ATP6V1G3: variants seen among roughly 807,000 people sequenced by gnomAD.
ATP6V1G3 encodes V-type proton ATPase subunit G 3.
In ATP6V1G3, 9 loss-of-function variants were observed where a neutral mutation model predicts 9.3. The observed-to-expected ratio is 0.97, with a 90% CI of 0.59 to 1.69. The LOEUF (loss-of-function observed/expected upper bound fraction) is 1.69, where lower values mean the gene tolerates loss of function less well. Among genes scored for constraint, ATP6V1G3 ranks in the 40% most tolerant of loss-of-function variants. ATP6V1G3 has a pLI of 0.00. For missense variants in ATP6V1G3, 133 were observed against 139.0 expected (o/e 0.96, Z 0.22); for synonymous variants, 43 against 43.8 (o/e 0.98, Z 0.07).
Position 198,523,360 on chromosome 1 carries a change from C to A in ATP6V1G3, c.*31G>T, listed in dbSNP as rs914765045. 1 of 1,554,090 alleles carries A rather than the reference C, an allele frequency of 6.4e-7. No homozygotes were observed. On this transcript the variant is annotated 3_prime_UTR_variant, in exon 3 of 3. Transcript: ENST00000367382. Reference sequence around the variant, plus strand: ...AAGCAACCAGGTGGCACTCACACACCTTTTTTTTTCTTGAAAACTGTGATG... The same window carrying A: ...AAGCAACCAGGTGGCACTCACACACATTTTTTTTTCTTGAAAACTGTGATG...
intron 1 of ATP6V1G3, 33 bp from the exon 2 acceptor site, chr1:198,529,214 ATAAT>A: frequency 2.4e-6 from 1 of 417,434 alleles, no homozygotes; most frequent in Non-Finnish European, 3.7e-6. Flanking sequence ...ATATATATAT[ATAAT>A]TATATATATC....
intron 2 of ATP6V1G3, among the ~76,000 whole-genome samples, chr1:198,524,227 C>T (rs1383093912): frequency 3.3e-5 from 5 of 151,274 alleles, no homozygotes; most frequent in Non-Finnish European, 5.9e-5. Flanking sequence ...CAGGTTCAAG[C>T]GATTCTCCCA....
At chr1:198,533,538 AT>A (rs1659991116) in intron 1 of ATP6V1G3, among the ~76,000 whole-genome samples, 1 of 152,154 alleles carries the variant, frequency 6.6e-6, no homozygotes, top group Non-Finnish European at 1.5e-5. Flanking sequence ...TGGCACCAAC[AT>A]TTTATTTTGG....
intron 1 of ATP6V1G3, among the ~76,000 whole-genome samples, chr1:198,530,158 C>T (rs1659840508): frequency 6.6e-6 from 1 of 152,100 alleles, no homozygotes; most frequent in Non-Finnish European, 1.5e-5. Flanking sequence ...CTTTCAATTT[C>T]AGTAAAATGC....
intron 1 of ATP6V1G3, among the ~76,000 whole-genome samples, chr1:198,538,891 CAAA>C (rs71569596): frequency 7.2e-5 from 7 of 97,358 alleles, no homozygotes; most frequent in Admixed American, 1.1e-4. Flanking sequence ...GACCCTGTCT[CAAA>C]AAAAAAAAAA....
chr1:198,531,998 C>A (rs906126594), intron 1 of ATP6V1G3, among the ~76,000 whole-genome samples: 1 of 151,902 alleles, frequency 6.6e-6, no homozygotes, highest in Admixed American at 6.6e-5. Flanking sequence ...AGGGGTAAAG[C>A]GTGAGTTTGA....
At chr1:198,526,559 C>T (rs900107792) in intron 2 of ATP6V1G3, among the ~76,000 whole-genome samples, 5 of 152,106 alleles carry the variant, frequency 3.3e-5, no homozygotes, top group African/African-American at 1.2e-4. Context: ...TTCAAAATGT[C>T]AGTGTTGAAA....
intron 1 of ATP6V1G3, among the ~76,000 whole-genome samples, chr1:198,536,451 A>G (rs1318941305): frequency 6.6e-6 from 1 of 152,206 alleles, no homozygotes; most frequent in African/African-American, 2.4e-5. Flanking sequence ...CTTGTCTTGG[A>G]CCAACACACC....
At chr1:198,540,797 A>C (rs1571723726), upstream of ATP6V1G3, 2 of 798,688 alleles carry the variant, frequency 2.5e-6, no homozygotes, top group East Asian at 2.6e-5. Flanking sequence ...ATTGGGCTGG[A>C]TAGCTGGGTC....
At position 198,523,249 on chromosome 1, in the gene ATP6V1G3, C is replaced by T. The variant is rs1259486474; in HGVS notation, c.*142G>A. On this transcript the variant is annotated 3_prime_UTR_variant, in exon 3 of 3. Transcript: ENST00000367382. ...GTATTTTGTTTTGTTTAATTCAGTG[C>T]CGATGTATGAGTTATGTCACATTTC... is the stretch of plus-strand genomic sequence containing the variant. The T allele has an allele frequency of 9.0e-6, 7 of 777,532 alleles. No individual in the cohort carries two copies. The highest frequency in any genetic ancestry group is 1.2e-5 in the Non-Finnish European group (6 of 487,152). 48.2% of individuals were successfully genotyped at this position (777,532 alleles called of 1,614,324 possible). A position where few individuals can be genotyped will look rare whatever the true frequency, so the allele number is the denominator to read the frequency against.
chr1:198,537,888 G>A (rs1005890055), intron 1 of ATP6V1G3, among the ~76,000 whole-genome samples: 6 of 152,132 alleles, frequency 3.9e-5, no homozygotes, highest in Non-Finnish European at 7.4e-5. Flanking sequence ...ATAACATACT[G>A]GTATATAAGG....
intron 1 of ATP6V1G3, among the ~76,000 whole-genome samples, chr1:198,533,777 C>T (rs982215486): frequency 2.0e-5 from 3 of 151,932 alleles, no homozygotes; most frequent in Non-Finnish European, 4.4e-5. Context: ...AATTGGGGTC[C>T]GACTTTAAGG....
At chr1:198,523,708 C>T (rs755139270) in intron 2 of ATP6V1G3, 144 bp from the exon 3 acceptor site, 12 of 686,626 alleles carry the variant, frequency 1.7e-5, no homozygotes, top group Non-Finnish European at 2.8e-5. Flanking sequence ...CCAACAAGAT[C>T]ATCAATGCCA....
At chr1:198,538,906 A>C (rs1238295695) in intron 1 of ATP6V1G3, among the ~76,000 whole-genome samples, 1 of 148,662 alleles carries the variant, frequency 6.7e-6, no homozygotes, top group Admixed American at 6.7e-5. Flanking sequence ...AAAAAAAAAA[A>C]GAAGAAGAAG....
chr1:198,540,323 A>G (rs139087757), intron 1 of ATP6V1G3, among the ~76,000 whole-genome samples: 110 of 152,342 alleles, frequency 7.2e-4, no homozygotes, highest in Non-Finnish European at 1.2e-3. Flanking sequence ...TTAAGCCCAC[A>G]TCTCTATAAT....
intron 1 of ATP6V1G3, among the ~76,000 whole-genome samples, chr1:198,530,266 T>TAAAACATTA (rs1659844993): frequency 6.6e-6 from 1 of 152,206 alleles, no homozygotes; most frequent in East Asian, 1.9e-4. Context: ...TTGTAAAGAC[T>TAAAACATTA]TTGAACTAAA....
intron 1 of ATP6V1G3, among the ~76,000 whole-genome samples, chr1:198,534,772 G>A (rs1342594063): frequency 6.6e-6 from 1 of 152,124 alleles, no homozygotes; most frequent in East Asian, 1.9e-4. Context: ...AACAACTTTT[G>A]ATCTATTCTA....
chr1:198,535,744 C>A (rs1269495127), intron 1 of ATP6V1G3, among the ~76,000 whole-genome samples: 1 of 151,998 alleles, frequency 6.6e-6, no homozygotes, highest in Non-Finnish European at 1.5e-5. Flanking sequence ...CTGTTAGTAT[C>A]TCCATTTTGA....
chr1:198,532,888 G>A (rs565614545), intron 1 of ATP6V1G3, among the ~76,000 whole-genome samples: 1 of 152,184 alleles, frequency 6.6e-6, no homozygotes, highest in Non-Finnish European at 1.5e-5. Flanking sequence ...GATGGTATTA[G>A]AAAGATAGTA....
Sources: allele counts gnomAD v4.1 joint callset (sites outside exome capture counted in the v4.1 genomes callset), GRCh38; gene constraint gnomAD v4.1.1; transcripts MANE v1.5; gene names NCBI Gene and HGNC (gene_info 2026-07-23, HGNC 2026-07-21).